ZUP1: variants seen among roughly 807,000 people sequenced by gnomAD.
ZUP1 encodes zinc finger containing ubiquitin peptidase 1.
ZUP1 carries 55 observed loss-of-function variants against 68.1 expected under a neutral mutation model. The ratio of observed to expected loss-of-function variants is 0.81; its 90% CI spans 0.65 to 1.01. The LOEUF (loss-of-function observed/expected upper bound fraction) is 1.01, where lower values mean the gene tolerates loss of function less well. Among genes scored for constraint, ZUP1 ranks in the 50% least tolerant of loss-of-function variants. The pLI is 0.00. For synonymous variants in ZUP1, 223 were observed against 221.5 expected (o/e 1.01, Z -0.06); for missense variants, 684 against 674.9 (o/e 1.01, Z -0.15).
At chr6:116,668,429 G>A (rs1320147000) in intron 1 of ZUP1, 137 bp downstream of exon 1, 1 of 152,344 alleles carries the variant, frequency 6.6e-6, no homozygotes, top group East Asian at 1.9e-4. Context: ...CGTGGTGGGT[G>A]AGGTCAGAAG....
In ZUP1 at chr6:116,648,958, G is replaced by C. The variant is rs149871618; in HGVS notation, c.1317-1348C>G. Among the ~76,000 whole-genome samples, 488 of 149,278 alleles carry C rather than the reference G, an allele frequency of 3.3e-3. 13 individuals carry two copies. Among genetic ancestry groups the C allele is most frequent in the Admixed American group, 0.024 (362 of 14,972 alleles). ...GCACTCTGGTCTGGGTGACAGACTG[G>C]AGACAGACTCTGTCTCAAAAAAAAA... is the stretch of plus-strand genomic sequence containing the variant. On this transcript the variant is annotated intron_variant, in intron 7 of 9. Coordinates refer to ENST00000368576, the MANE Select transcript of ZUP1 (RefSeq NM_145062.3).
At chr6:116,660,977 G>A (rs1776820308) in intron 2 of ZUP1, 131 bp from the exon 3 acceptor site, 1 of 555,856 alleles carries the variant, frequency 1.8e-6, no homozygotes. Context: ...ACGGCTCACT[G>A]CAGCAATCCT....
At chr6:116,663,826 A>G (rs1418149047) in intron 2 of ZUP1, among the ~76,000 whole-genome samples, 2 of 152,020 alleles carry the variant, frequency 1.3e-5, no homozygotes, top group South Asian at 2.1e-4. Flanking sequence ...GCAGGCCTGT[A>G]GTCCCAGCCC....
chr6:116,639,426 G>A (rs907064937), intron 9 of ZUP1, among the ~76,000 whole-genome samples: 19 of 152,166 alleles, frequency 1.2e-4, no homozygotes, highest in Non-Finnish European at 2.1e-4. Flanking sequence ...GCAGCCTAAC[G>A]GGGAGGCATC....
intron 2 of ZUP1, among the ~76,000 whole-genome samples, chr6:116,666,012 A>G (rs1250291715): frequency 6.6e-6 from 1 of 152,148 alleles, no homozygotes; most frequent in Non-Finnish European, 1.5e-5. Flanking sequence ...AAAAATAGAT[A>G]AATTTACAAT....
intron 7 of ZUP1, among the ~76,000 whole-genome samples, chr6:116,649,306 C>A (rs983157349): frequency 2.6e-5 from 4 of 151,950 alleles, no homozygotes; most frequent in Non-Finnish European, 4.4e-5. Flanking sequence ...CGCAAACATT[C>A]CATTAAACAC....
chr6:116,650,022 G>A (rs947386337), intron 7 of ZUP1, among the ~76,000 whole-genome samples: 1 of 152,050 alleles, frequency 6.6e-6, no homozygotes, highest in African/African-American at 2.4e-5. Flanking sequence ...TTAACATAAT[G>A]GGTAAAATAA....
intron 8 of ZUP1, 114 bp from the exon 9 acceptor site, chr6:116,646,048 A>G: frequency 1.5e-6 from 1 of 664,772 alleles, no homozygotes; most frequent in South Asian, 2.5e-5. Context: ...ATACAGTCAG[A>G]CTCTGACACA....
chr6:116,646,400 T>C (rs918077229), intron 8 of ZUP1: 7 of 154,062 alleles, frequency 4.5e-5, no homozygotes, highest in African/African-American at 1.7e-4. Context: ...ATCCAAACCA[T>C]CATTCATAAT....
rs1776291991 is a variant in ZUP1, at chr6:116,645,925, C to T, written c.1478G>A (p.Arg493Gln). 4.4e-6 allele frequency: 7 copies of T among 1,607,798 alleles called. No homozygotes were observed. The highest frequency in any genetic ancestry group is 2.7e-5 in the African/African-American group (2 of 74,578). ...PIYLQHQGHS[R>Q]TVIGIEEKKN... ...TTTCTCTTCAATTCCAATAACAGTT[C>T]GACTGTGACCTATCAAAAGATTTTT... Residue 493 changes from arginine to glutamine, a missense_variant, in exon 9 of 10, where the codon CGA (arginine) becomes CAA (glutamine). Arg to Gln is a conservative substitution (Grantham distance 43, BLOSUM62 1). Transcript: ENST00000368576.
intron 9 of ZUP1, among the ~76,000 whole-genome samples, chr6:116,642,677 G>A (rs976835243): frequency 2.0e-4 from 30 of 152,230 alleles, no homozygotes; most frequent in African/African-American, 6.7e-4. Context: ...GGTATTCATG[G>A]GACGTATCTC....
At chr6:116,644,072 A>G (rs1318919128) in intron 9 of ZUP1, among the ~76,000 whole-genome samples, 1 of 152,382 alleles carries the variant, frequency 6.6e-6, no homozygotes, top group Non-Finnish European at 1.5e-5. Flanking sequence ...TATGCAGCCA[A>G]AAGACTCATG....
intron 5 of ZUP1, among the ~76,000 whole-genome samples, chr6:116,655,585 A>G (rs1306907156): frequency 6.6e-6 from 1 of 152,196 alleles, no homozygotes; most frequent in East Asian, 1.9e-4. Context: ...GACAGTAACA[A>G]AGTTGTTTCC....
chr6:116,668,365 G>A (rs1777072262), intron 1 of ZUP1, among the ~76,000 whole-genome samples: 1 of 152,164 alleles, frequency 6.6e-6, no homozygotes, highest in Non-Finnish European at 1.5e-5. Context: ...GAGTACCCAG[G>A]TGCCTCAGAG....
In ZUP1 at chr6:116,656,871, A is replaced by T; in HGVS notation, c.793-19T>A. The T allele has an allele frequency of 1.3e-6, 2 of 1,528,052 alleles. No homozygotes were observed. The highest frequency in any genetic ancestry group is 1.8e-6 in the Non-Finnish European group (2 of 1,131,378). 94.7% of individuals were successfully genotyped at this position (1,528,052 alleles called of 1,614,324 possible). A position where few individuals can be genotyped will look rare whatever the true frequency, so the allele number is the denominator to read the frequency against. ...ATTGTCTCTATTGAACATAAAAATA[A>T]ATGACTTAATTTTTACATCCCTGTA... is the stretch of plus-strand genomic sequence containing the variant. On this transcript the variant is annotated intron_variant, in intron 4 of 9. Transcript: ENST00000368576.
chr6:116,636,992 G>C (rs950129473), intron 9 of ZUP1, among the ~76,000 whole-genome samples: 1 of 152,094 alleles, frequency 6.6e-6, no homozygotes, highest in Admixed American at 6.6e-5. Context: ...ATAAAGTACT[G>C]TTAAAAAGGA....
chr6:116,642,314 G>GA (rs1776130942), intron 9 of ZUP1, among the ~76,000 whole-genome samples: 1 of 152,070 alleles, frequency 6.6e-6, no homozygotes, highest in Non-Finnish European at 1.5e-5. Context: ...GAAAAAGAGG[G>GA]AATCCTCCCT....
intron 9 of ZUP1, among the ~76,000 whole-genome samples, chr6:116,642,993 A>C (rs1167158631): frequency 6.6e-6 from 1 of 152,240 alleles, no homozygotes; most frequent in East Asian, 1.9e-4. Flanking sequence ...GCAAAGTCTC[A>C]GGATACAAAA....
intron 2 of ZUP1, among the ~76,000 whole-genome samples, chr6:116,662,688 C>A (rs1463357120): frequency 6.6e-6 from 1 of 152,168 alleles, no homozygotes; most frequent in Non-Finnish European, 1.5e-5. Context: ...CTTGACTTAA[C>A]TAAAATCTGG....
Sources: gnomAD v4.1 joint callset for allele counts (sites outside exome capture counted in the v4.1 genomes callset) on GRCh38, gnomAD v4.1.1 for gene constraint, MANE v1.5 for transcripts, NCBI Gene and HGNC (gene_info 2026-07-23, HGNC 2026-07-21) for gene names.